Variants in C9orf72 observed in about 807,000 individuals in gnomAD.
C9orf72 encodes the protein guanine nucleotide exchange factor C9orf72.
A neutral mutation model predicts 51.6 loss-of-function variants in C9orf72; 44 were observed. The observed-to-expected ratio is 0.85, with a 90% CI of 0.67 to 1.10. The LOEUF (loss-of-function observed/expected upper bound fraction) is 1.10. C9orf72 is among the 50% of genes least tolerant of loss of function. The pLI is 0.00. For missense variants in C9orf72, 607 were observed against 570.6 expected (o/e 1.06, Z -0.65); for synonymous variants, 213 against 194.2 (o/e 1.10, Z -0.81).
At chr9:27,551,811 T>G (rs1448196017) in intron 8 of C9orf72, among the ~76,000 whole-genome samples, 4 of 152,216 alleles carry the variant, frequency 2.6e-5, no homozygotes, top group African/African-American at 9.7e-5. Flanking sequence ...AAGCAAGGTG[T>G]TAAAAAAGAA....
At chr9:27,556,380 A>G in intron 8 of C9orf72, 181 bp downstream of exon 8, 1 of 590,674 alleles carries the variant, frequency 1.7e-6, no homozygotes, top group East Asian at 2.8e-5. Flanking sequence ...TAGGGTAAAC[A>G]CAATTGTATG....
intron 1 of C9orf72, among the ~76,000 whole-genome samples, chr9:27,570,668 C>T (rs1330961719): frequency 6.6e-6 from 1 of 151,968 alleles, no homozygotes; most frequent in Non-Finnish European, 1.5e-5. Flanking sequence ...GAGCTCAAGA[C>T]CAGCCTGGCC....
In C9orf72 at chr9:27,550,672, A is replaced by G. The variant is rs1457430501; in HGVS notation, c.1127T>C (p.Leu376Pro). The change falls in exon 9 of 11, where the codon CTA becomes CCA. Residue 376 changes from leucine to proline, a missense_variant. By Grantham distance (98) the Leu-to-Pro change is moderately conservative. Transcript: ENST00000380003. The stretch of plus-strand genomic sequence containing the variant: ...TACCTGATCCAGGAAGGCTTTCACT[A>G]GAGTGTCTCTGTGTAAGACATCTTG... ...IFQDVLHRDT[L>P]VKAFLDQVFQ... 2.5e-6 allele frequency: 4 copies of G among 1,591,060 alleles called. No individual in the cohort carries two copies. The highest frequency in any genetic ancestry group is 1.3e-5 in the African/African-American group (1 of 74,206).
At chr9:27,557,169 A>C (rs1819221861) in intron 7 of C9orf72, among the ~76,000 whole-genome samples, 1 of 152,178 alleles carries the variant, frequency 6.6e-6, no homozygotes, top group Non-Finnish European at 1.5e-5. Flanking sequence ...GTCTTAAAGA[A>C]AATACATGCA....
At chr9:27,555,956 A>G (rs1237278172) in intron 8 of C9orf72, among the ~76,000 whole-genome samples, 1 of 151,992 alleles carries the variant, frequency 6.6e-6, no homozygotes, top group Non-Finnish European at 1.5e-5. Context: ...TTAGGATTAT[A>G]GATTTATCAT....
chr9:27,562,830 C>T (rs1437487262), intron 3 of C9orf72, among the ~76,000 whole-genome samples: 1 of 151,992 alleles, frequency 6.6e-6, no homozygotes, highest in Non-Finnish European at 1.5e-5. Flanking sequence ...GCCACCATGC[C>T]CGGCTGATTT....
chr9:27,571,208 A>C (rs1299544390), intron 1 of C9orf72: 2 of 152,232 alleles, frequency 1.3e-5, no homozygotes, highest in South Asian at 4.1e-4. Context: ...ATTCAAATTG[A>C]GTGAGACGGT....
At chr9:27,565,916 A>T (rs776502672) in intron 2 of C9orf72, among the ~76,000 whole-genome samples, 1 of 152,200 alleles carries the variant, frequency 6.6e-6, no homozygotes, top group Non-Finnish European at 1.5e-5. Context: ...TGTTTAAAAG[A>T]TTCTCCTGAT....
chr9:27,563,024 T>G (rs981961501), intron 3 of C9orf72, among the ~76,000 whole-genome samples: 6 of 72,238 alleles, frequency 8.3e-5, no homozygotes, highest in African/African-American at 1.1e-4. Context: ...CCTTTAAAAT[T>G]TGAGATAAAA....
At position 27,556,656 on chromosome 9, in the gene C9orf72, C is replaced by G. The variant is rs774506585; in HGVS notation, c.996G>C (p.Met332Ile). Reference sequence around the variant, plus strand: ...TCCAGAAGGCTGTCAGCTCGGATCTCATGTATCTACGCTGATTATAAATAT... The same window carrying G: ...TCCAGAAGGCTGTCAGCTCGGATCTGATGTATCTACGCTGATTATAAATAT... ...HEHIYNQRRYMRSELTAFWRA... is the reference protein window; with the variant it reads ...HEHIYNQRRYIRSELTAFWRA... The change falls in exon 8 of 11, where the codon ATG (methionine) becomes ATC (isoleucine). Residue 332 changes from methionine (M) to isoleucine (I), a missense_variant. Physicochemically the swap from Met to Ile is conservative, Grantham distance 10. Transcript: ENST00000380003. 6.2e-7 allele frequency: 1 copy of G among 1,613,968 alleles called. No homozygotes were observed. Among genetic ancestry groups the G allele is most frequent in the South Asian group, 1.1e-5 (1 of 91,076 alleles).
chr9:27,568,040 T>C (rs570594772), intron 1 of C9orf72, among the ~76,000 whole-genome samples: 97 of 81,578 alleles, frequency 1.2e-3, no homozygotes, highest in African/African-American at 4.4e-3. Context: ...CTTAGAAAAG[T>C]AATACAACAC....
At position 27,547,877 on chromosome 9, in the gene C9orf72, G is replaced by C. The variant is rs1420193060; in HGVS notation, c.*359C>G. The C allele has an allele frequency of 6.3e-6, 1 of 158,002 alleles. No individual in the cohort carries two copies. The highest frequency in any genetic ancestry group is 2.4e-5 in the African/African-American group (1 of 41,676). 9.8% of individuals were successfully genotyped at this position (158,002 alleles called of 1,614,324 possible). The stretch of plus-strand genomic sequence containing the variant: ...GATAGAAAGTCAACTATCTGTAAAA[G>C]CCAACTCAGATTTCACCTTGACACA... On this transcript the variant is annotated 3_prime_UTR_variant, in exon 11 of 11. Coordinates refer to ENST00000380003, the MANE Select transcript of C9orf72 (RefSeq NM_018325.5).
chr9:27,561,638 T>G lies in C9orf72; in HGVS notation c.612A>C (p.Thr204=). 1 of 1,598,718 alleles carries G rather than the reference T, an allele frequency of 6.3e-7. No individual in the cohort carries two copies. The highest frequency in any genetic ancestry group is 1.1e-5 in the South Asian group (1 of 89,570). ...CACCAATATCATCATCATTGAGTACTGTATCAGCTATCTAAAATGCATCAA... is the reference window on the plus strand; with the variant it reads ...CACCAATATCATCATCATTGAGTACGGTATCAGCTATCTAAAATGCATCAA... ...SVPEEIDIAD[T]VLNDDDIGDS... Residue 204 remains threonine (T), a synonymous_variant, in exon 5 of 11, where the codon ACA becomes ACC. Transcript: ENST00000380003.
At chr9:27,562,856 A>T (rs1194070248) in intron 3 of C9orf72, among the ~76,000 whole-genome samples, 1 of 151,818 alleles carries the variant, frequency 6.6e-6, no homozygotes, top group African/African-American at 2.4e-5. Context: ...TTTTTAGTAG[A>T]GACGGGGTTT....
At chr9:27,561,355 G>A (rs1819341869) in intron 5 of C9orf72, 1 of 1,276,844 alleles carries the variant, frequency 7.8e-7, no homozygotes, top group African/African-American at 1.6e-5. Context: ...ATGATTTCTT[G>A]TCTGGGATGG....
rs911984988 is a variant in C9orf72 at position 27,547,541 on chromosome 9, T to C, written c.*695A>G. 3 of 152,612 alleles carry C rather than the reference T, an allele frequency of 2.0e-5. No homozygotes were observed. Among genetic ancestry groups the C allele is most frequent in the African/African-American group, 7.2e-5 (3 of 41,446 alleles). The allele number at this position is 152,612 out of a possible 1,614,324, so 9.5% of individuals were successfully genotyped here. A position where few individuals can be genotyped will look rare whatever the true frequency, so the allele number is the denominator to read the frequency against. ...AAAATACAATTTCCTTTTACAGAGC[T>C]CAACTACATAGAATATCAACAATAG... On this transcript the variant is annotated 3_prime_UTR_variant, in exon 11 of 11. Transcript: ENST00000380003.
At chr9:27,571,002 A>C (rs1819574987) in intron 1 of C9orf72, 1 of 152,254 alleles carries the variant, frequency 6.6e-6, no homozygotes, top group African/African-American at 2.4e-5. Flanking sequence ...AGAGAAGTAT[A>C]ATCAGGAGAG....
intron 8 of C9orf72, among the ~76,000 whole-genome samples, chr9:27,555,558 ATTTT>A (rs35184194): frequency 2.9e-5 from 4 of 135,756 alleles, no homozygotes; most frequent in Non-Finnish European, 6.3e-5. Context: ...TATTGCAAGC[ATTTT>A]TTTTTTTTTT....
chr9:27,548,100 T>C lies in C9orf72; in HGVS notation c.*136A>G, dbSNP rs914027028. 3.6e-6 allele frequency: 2 copies of C among 560,776 alleles called. No homozygotes were observed. Among genetic ancestry groups the C allele is most frequent in the Non-Finnish European group, 6.1e-6 (2 of 326,892 alleles). 34.7% of individuals were successfully genotyped at this position (560,776 alleles called of 1,614,324 possible). On this transcript the variant is annotated 3_prime_UTR_variant, in exon 11 of 11. Transcript: ENST00000380003. ...TCCCCTCACAGGCTCTTGTGAGAAC[T>C]GTAGTGTAACTTACTTAACTGCAAT...
Sources: allele counts gnomAD v4.1 joint callset (sites outside exome capture counted in the v4.1 genomes callset), GRCh38; gene constraint gnomAD v4.1.1; transcripts MANE v1.5; gene names NCBI Gene and HGNC (gene_info 2026-07-23, HGNC 2026-07-21).